Variants in TEX11 observed in about 807,000 individuals in gnomAD.
TEX11 encodes the protein testis expressed 11.
In TEX11, 7 loss-of-function variants were observed where a neutral mutation model predicts 84.4. The observed-to-expected ratio is 0.08, with a 90% CI of 0.05 to 0.16. TEX11 has a LOEUF of 0.16. Ranked by LOEUF, TEX11 falls within the 10% of genes least tolerant of loss-of-function variation. The pLI is 1.00. For synonymous variants in TEX11, 264 were observed against 222.8 expected (o/e 1.18, Z -1.64); for missense variants, 551 against 660.5 (o/e 0.83, Z 1.82).
rs749755001 is a variant in TEX11, at chrX:70,740,803, GAA to G, written c.748-9_748-8del. On this transcript the variant is annotated splice_region_variant and splice_polypyrimidine_tract_variant and intron_variant, in intron 10 of 29. Coordinates refer to ENST00000374333, the MANE Select transcript of TEX11 (RefSeq NM_031276.3). ...ATAGCCGTAGAACTTTAGCCTGTAA[GAA>G]AAAAAAAAAGAAAAAAAGCACATAT... is the stretch of plus-strand genomic sequence containing the variant. 64 of 878,172 alleles carry G rather than the reference GAA, an allele frequency of 7.3e-5. No homozygotes were observed. Among genetic ancestry groups the G allele is most frequent in the Middle Eastern group, 3.2e-4 (1 of 3,170 alleles). The allele number at this position is 878,172 out of a possible 1,213,427, so 72.4% of individuals were successfully genotyped here. A position where few individuals can be genotyped will look rare whatever the true frequency, so the allele number is the denominator to read the frequency against.
intron 25 of TEX11, among the ~76,000 whole-genome samples, chrX:70,565,443 AT>A (rs1263049163): frequency 9.2e-6 from 1 of 109,170 alleles, no homozygotes; most frequent in Non-Finnish European, 1.9e-5. Flanking sequence ...TTTGGTTGCC[AT>A]TGCTTTTGGT....
chrX:70,852,356 A>C (rs1022660014), intron 7 of TEX11, among the ~76,000 whole-genome samples: 5 of 110,619 alleles, frequency 4.5e-5, no homozygotes, highest in African/African-American at 1.6e-4. Flanking sequence ...CTAATTTTTC[A>C]CTTTTATTTT....
At chrX:70,515,450 T>C in the TEX11 span, among the ~76,000 whole-genome samples, 2 of 112,104 alleles carry the variant, frequency 1.8e-5, no homozygotes, top group Non-Finnish European at 3.8e-5. Flanking sequence ...GGACATGAAC[T>C]CATCCTTTTT....
rs979681509 is a variant in TEX11 at position 70,801,165 on chromosome X, G to T, written c.692+5540C>A. ...TGGGATGCCCTTCAAAGTCATATCT[G>T]TCCATTTCTCTTTTGTGCACATACC... On this transcript the variant is annotated intron_variant, in intron 9 of 29. Transcript: ENST00000374333. 2.7e-5 allele frequency among the ~76,000 whole-genome samples: 3 copies of T among 110,902 alleles called. No homozygotes were observed. The East Asian group carries it at 8.5e-4, about 32-fold the overall frequency.
chrX:70,822,117 G>A (rs2091321078), intron 8 of TEX11, among the ~76,000 whole-genome samples: 2 of 111,207 alleles, frequency 1.8e-5, no homozygotes, highest in Admixed American at 1.9e-4. Context: ...TTGTTATACT[G>A]TATTATTTAG....
At chrX:70,716,503 C>T (rs2090503799) in intron 13 of TEX11, among the ~76,000 whole-genome samples, 1 of 112,313 alleles carries the variant, frequency 8.9e-6, no homozygotes, top group African/African-American at 3.2e-5. Flanking sequence ...GCGCCCCTCC[C>T]CCAGCCTCGC....
chrX:70,621,180 C>T (rs1015866669), intron 20 of TEX11, among the ~76,000 whole-genome samples: 8 of 109,625 alleles, frequency 7.3e-5, no homozygotes, highest in Admixed American at 5.9e-4. Flanking sequence ...ATGGGAATCT[C>T]TGTGCCTTCC....
At chrX:70,765,113 C>A (rs951153783) in intron 9 of TEX11, among the ~76,000 whole-genome samples, 2 of 111,472 alleles carry the variant, frequency 1.8e-5, no homozygotes, top group African/African-American at 6.5e-5. Context: ...TGGCCGAGTG[C>A]GGTGGCTCAC....
intron 25 of TEX11, among the ~76,000 whole-genome samples, chrX:70,565,050 A>G (rs1353773328): frequency 1.9e-5 from 2 of 105,953 alleles, no homozygotes; most frequent in African/African-American, 6.8e-5. Flanking sequence ...ATTTCTCCAC[A>G]TCCTCTCCAG....
At chrX:70,676,169 T>A (rs1355636546) in intron 15 of TEX11, among the ~76,000 whole-genome samples, 1 of 112,385 alleles carries the variant, frequency 8.9e-6, no homozygotes, top group Non-Finnish European at 1.9e-5. Flanking sequence ...TGCTTCCACC[T>A]TTTGGCTGCT....
intron 15 of TEX11, among the ~76,000 whole-genome samples, chrX:70,678,383 T>C (rs12559395): frequency 0.14 from 15,289 of 109,974 alleles, 1,131 homozygotes; most frequent in Non-Finnish European, 0.2. Context: ...GAAGGAAATA[T>C]ACCAAAATTA....
the TEX11 span, among the ~76,000 whole-genome samples, chrX:70,511,917 C>T: frequency 9.4e-6 from 1 of 106,477 alleles, no homozygotes; most frequent in Admixed American, 1.0e-4. Flanking sequence ...GGTTAATACT[C>T]CTGGGGTCCA....
intron 8 of TEX11, among the ~76,000 whole-genome samples, chrX:70,813,433 T>C (rs1029142281): frequency 6.3e-5 from 7 of 111,811 alleles, no homozygotes; most frequent in Non-Finnish European, 9.4e-5. Context: ...AAATTAGGTA[T>C]TGATGGGATG....
chrX:70,641,206 A>AAT (rs2089652755), intron 17 of TEX11, among the ~76,000 whole-genome samples: 1 of 111,786 alleles, frequency 8.9e-6, no homozygotes, highest in Non-Finnish European at 1.9e-5. Context: ...TCAATTCAAC[A>AAT]AGAACAGCTA....
chrX:70,893,910 G>A (rs1017853139), intron 2 of TEX11, among the ~76,000 whole-genome samples: 2 of 111,850 alleles, frequency 1.8e-5, no homozygotes, highest in Non-Finnish European at 3.8e-5. Flanking sequence ...TGGTCCCACA[G>A]AAATACAAAT....
chrX:70,520,160 CT>C, the TEX11 span, among the ~76,000 whole-genome samples: 1 of 111,920 alleles, frequency 8.9e-6, no homozygotes, highest in South Asian at 3.8e-4. Context: ...TGTTCTGTTG[CT>C]GGCGAGGAGC....
intron 11 of TEX11, among the ~76,000 whole-genome samples, chrX:70,730,322 T>G (rs975343691): frequency 8.0e-5 from 9 of 111,934 alleles, no homozygotes; most frequent in Admixed American, 6.6e-4. Flanking sequence ...TACATGTTAA[T>G]GCGCTAAATG....
intron 14 of TEX11, among the ~76,000 whole-genome samples, chrX:70,679,260 G>A (rs1206166587): frequency 9.0e-6 from 1 of 111,692 alleles, no homozygotes; most frequent in East Asian, 2.8e-4. Context: ...GCCCAGGCTG[G>A]AGTGCAGTGG....
the TEX11 span, among the ~76,000 whole-genome samples, chrX:70,518,582 A>G: frequency 8.9e-6 from 1 of 112,128 alleles, no homozygotes; most frequent in African/African-American, 3.2e-5. Flanking sequence ...TGTGGTGCTG[A>G]TAAGAATGTA....
Sources: allele counts gnomAD v4.1 joint callset (sites outside exome capture counted in the v4.1 genomes callset), GRCh38; gene constraint gnomAD v4.1.1; transcripts MANE v1.5; gene names NCBI Gene and HGNC (gene_info 2026-07-23, HGNC 2026-07-21).